The following YME1L1 variants were observed in gnomAD, a reference collection of about 807,000 sequenced individuals.
The protein encoded by YME1L1 is ATP-dependent zinc metalloprotease YME1L1.
YME1L1 carries 39 observed loss-of-function variants against 90.4 expected under a neutral mutation model. That is an observed-to-expected ratio of 0.43 (90% CI 0.33 to 0.56). YME1L1 has a LOEUF of 0.56. Among genes scored for constraint, YME1L1 ranks in the 20% least tolerant of loss-of-function variants. The pLI, the probability that YME1L1 is intolerant of heterozygous loss-of-function variation, is 0.03. For synonymous variants in YME1L1, 284 were observed against 287.3 expected, an observed-to-expected ratio of 0.99 and a Z score of 0.12; for missense variants, 617 against 868.4, an observed-to-expected ratio of 0.71 and a Z score of 3.64.
At chr10:27,124,380 T>C (rs1043171917) in intron 9 of YME1L1, among the ~76,000 whole-genome samples, 1 of 152,206 alleles carries the variant, frequency 6.6e-6, no homozygotes, top group South Asian at 2.1e-4. Flanking sequence ...CTTTCAAGGT[T>C]TTCCATGTTT....
In YME1L1 at chr10:27,147,509, G is replaced by A. The variant is rs756009727; in HGVS notation, c.168+1397C>T. The A allele has an allele frequency of 1.4e-5, 23 of 1,611,538 alleles. No homozygotes were observed. The Middle Eastern group carries it at 8.2e-4, about 58-fold the overall frequency. ...AACCCGCAGTGTACAGGGATTGAGA[G>A]GGAGAAGGGTTCTGGACGGATGTGC... On this transcript the variant is annotated intron_variant, in intron 2 of 18. Transcript: ENST00000376016.
chr10:27,114,114 A>C (rs1564454283), intron 18 of YME1L1, among the ~76,000 whole-genome samples: 1 of 152,148 alleles, frequency 6.6e-6, no homozygotes, highest in Non-Finnish European at 1.5e-5. Flanking sequence ...CTTATGGGGT[A>C]CAAGTGGTTT....
In YME1L1 at chr10:27,132,337, G is replaced by A. The variant is rs1358839787; in HGVS notation, c.776-396C>T. ...TGGTCTTGAACTCCTGACCTCAGGT[G>A]ATCCACCCGCCTCAGCCTCCCAAAG... is the stretch of plus-strand genomic sequence containing the variant. On this transcript the variant is annotated intron_variant, in intron 7 of 18. Transcript: ENST00000376016. Among the ~76,000 whole-genome samples the A allele has an allele frequency of 2.6e-5, 4 of 151,820 alleles. No individual in the cohort carries two copies. In the East Asian group the frequency reaches 7.8e-4, roughly 30 times the overall value.
At chr10:27,117,013 G>A (rs1176071268) in intron 15 of YME1L1, among the ~76,000 whole-genome samples, 4 of 152,140 alleles carry the variant, frequency 2.6e-5, no homozygotes, top group Non-Finnish European at 4.4e-5. Context: ...TTTATACCAT[G>A]TTGCTGAAAG....
intron 10 of YME1L1, 137 bp from the exon 11 acceptor site, chr10:27,123,110 T>A (rs1050738877): frequency 1.8e-6 from 2 of 1,096,316 alleles, no homozygotes; most frequent in African/African-American, 3.2e-5. Context: ...CGTCATTTTT[T>A]ACTGACTTAA....
At chr10:27,123,069 C>A in intron 10 of YME1L1, 96 bp from the exon 11 acceptor site, 1 of 1,430,640 alleles carries the variant, frequency 7.0e-7, no homozygotes, top group Non-Finnish European at 9.4e-7. Context: ...CTGTCAAAAG[C>A]CAACAAAAAA....
intron 8 of YME1L1, among the ~76,000 whole-genome samples, chr10:27,128,105 C>T (rs1479992151): frequency 1.3e-5 from 2 of 152,082 alleles, no homozygotes; most frequent in Non-Finnish European, 2.9e-5. Flanking sequence ...TTAATGGGAT[C>T]AAGGTAATGA....
Position 27,120,436 on chromosome 10 carries a change from T to C in YME1L1, c.1410A>G (p.Gln470=). Residue 470 remains glutamine (Q), a splice_region_variant and synonymous_variant, in exon 13 of 19, where the codon CAA becomes CAG. Transcript: ENST00000376016. The part of the protein sequence containing the change: ...KWYLNKIKFD[Q]SVDPEIIARG... ...ACAAATGTTTGTTTTGATACTTACATTGATCAAACTTTATTTTATTGAGAT... is the reference window on the plus strand; with the variant it reads ...ACAAATGTTTGTTTTGATACTTACACTGATCAAACTTTATTTTATTGAGAT... The C allele has an allele frequency of 6.2e-7, 1 of 1,606,040 alleles. No homozygotes were observed. Among genetic ancestry groups the C allele is most frequent in the South Asian group, 1.1e-5 (1 of 90,760 alleles).
chr10:27,114,572 T>TA lies in YME1L1; in HGVS notation c.1955dup (p.Ser653LysfsTer21), dbSNP rs745756588. On this transcript the variant is annotated frameshift_variant, in exon 18 of 19. Transcript: ENST00000376016. LOFTEE classifies it high-confidence loss of function. ...CGATGGCAGATTGGGTTTCTGGACTTAGTTTCCCTGTATCACTGTAGGTCA... is the reference window on the plus strand; with the variant it reads ...CGATGGCAGATTGGGTTTCTGGACTTAAGTTTCCCTGTATCACTGTAGGTCA... The TA allele has an allele frequency of 2.5e-6, 4 of 1,614,010 alleles. No homozygotes were observed. Among genetic ancestry groups the TA allele is most frequent in the Non-Finnish European group, 3.4e-6 (4 of 1,179,968 alleles).
At position 27,122,885 on chromosome 10, in the gene YME1L1, T is replaced by C. The variant is rs2056880926; in HGVS notation, c.1191A>G (p.Pro397=). Residue 397 remains proline (P), a synonymous_variant, in exon 11 of 19, where the codon CCA becomes CCG. Coordinates refer to ENST00000376016, the MANE Select transcript of YME1L1 (RefSeq NM_014263.4). ...GGKRIESPMH[P]YSRQTINQLL... ...GTTGATTTATGGTCTGCCTTGAATA[T>C]GGATGCATTGGAGATTCAATTCTCT... The C allele has an allele frequency of 2.5e-6, 4 of 1,613,588 alleles. No homozygotes were observed. The highest frequency in any genetic ancestry group is 1.7e-5 in the Admixed American group (1 of 60,012).
chr10:27,140,311 C>T (rs556722675), intron 4 of YME1L1, among the ~76,000 whole-genome samples: 52 of 151,528 alleles, frequency 3.4e-4, no homozygotes, highest in Non-Finnish European at 6.3e-4. Context: ...AGCCTGATTT[C>T]TCAGTAAATT....
intron 2 of YME1L1, chr10:27,147,673 A>G (rs1181566438): frequency 1.3e-6 from 2 of 1,551,140 alleles, no homozygotes; most frequent in Non-Finnish European, 1.7e-6. Flanking sequence ...CATACACTGT[A>G]GGAAGAGAGG....
chr10:27,123,030 A>C, intron 10 of YME1L1, 57 bp from the exon 11 acceptor site: 1 of 1,565,322 alleles, frequency 6.4e-7, no homozygotes, highest in Non-Finnish European at 8.6e-7. Context: ...TTTTGAACAA[A>C]ACGAGATAAA....
chr10:27,115,323 CT>C (rs71386913), intron 17 of YME1L1, among the ~76,000 whole-genome samples: 450 of 142,134 alleles, frequency 3.2e-3, no homozygotes, highest in Admixed American at 3.0e-3. Flanking sequence ...CATTTAAAAT[CT>C]TTTTTTTTTT....
rs759399217 is a variant in YME1L1 at position 27,147,573 on chromosome 10, T to C, written c.168+1333A>G. 7 of 1,599,172 alleles carry C rather than the reference T, an allele frequency of 4.4e-6. No individual in the cohort carries two copies. The Admixed American group carries it at 5.3e-5, about 12-fold the overall frequency. ...TGTCCAAGCTCTTCTTCATCCTTTT[T>C]GCTGGCTCCATGAACATGGATCTGT... On this transcript the variant is annotated intron_variant, in intron 2 of 18. Transcript: ENST00000376016.
intron 1 of YME1L1, among the ~76,000 whole-genome samples, chr10:27,149,241 T>A (rs1487858832): frequency 6.6e-6 from 1 of 152,092 alleles, no homozygotes; most frequent in African/African-American, 2.4e-5. Context: ...AATATGTAAA[T>A]CAAAAGTATC....
chr10:27,120,413 A>C, intron 13 of YME1L1, 22 bp downstream of exon 13: 1 of 1,561,416 alleles, frequency 6.4e-7, no homozygotes, highest in Non-Finnish European at 8.8e-7. Context: ...CAGAAATGAC[A>C]AATGTTTGTT....
At chr10:27,144,617 GA>G in intron 3 of YME1L1, among the ~76,000 whole-genome samples, 1 of 152,196 alleles carries the variant, frequency 6.6e-6, no homozygotes, top group Non-Finnish European at 1.5e-5. Flanking sequence ...CCACAAAAGG[GA>G]TAACAACTGT....
At position 27,116,362 on chromosome 10, in the gene YME1L1, T is replaced by C. The variant is rs755324256; in HGVS notation, c.1720-17A>G. Reference sequence around the variant, plus strand: ...CAGGGACACCTAGACAATTAAAAATTAATCAGATAAAAAATAAGCAAAGAG... The same window carrying C: ...CAGGGACACCTAGACAATTAAAAATCAATCAGATAAAAAATAAGCAAAGAG... On this transcript the variant is annotated splice_polypyrimidine_tract_variant and intron_variant, in intron 15 of 18. Coordinates refer to ENST00000376016, the MANE Select transcript of YME1L1 (RefSeq NM_014263.4). The C allele has an allele frequency of 3.7e-6, 6 of 1,611,560 alleles. No homozygotes were observed. In the East Asian group the frequency reaches 1.1e-4, roughly 30 times the overall value.
Sources: allele counts gnomAD v4.1 joint callset (sites outside exome capture counted in the v4.1 genomes callset), GRCh38; gene constraint gnomAD v4.1.1; transcripts MANE v1.5; gene names NCBI Gene and HGNC (gene_info 2026-07-23, HGNC 2026-07-21).